Variants in GATC observed in about 807,000 individuals in gnomAD.
GATC encodes glutamyl-tRNA amidotransferase subunit C, also known as glutamyl-tRNA(Gln) amidotransferase subunit C, mitochondrial.
In GATC, 11 loss-of-function variants were observed where a neutral mutation model predicts 14.4. That is an observed-to-expected ratio of 0.77 (90% CI 0.48 to 1.27). The LOEUF is 1.27. Among genes scored for constraint, GATC ranks in the 50% most tolerant of loss-of-function variants. The pLI is 0.00. For missense variants in GATC, 204 were observed against 183.0 expected (o/e 1.11, Z -0.66); for synonymous variants, 76 against 79.3 (o/e 0.96, Z 0.22).
rs1730113054 is a variant in GATC, at chr12:120,462,253, T to G, written c.*2294T>G. On this transcript the variant is annotated 3_prime_UTR_variant, in exon 4 of 4. Coordinates refer to ENST00000551765, the MANE Select transcript of GATC (RefSeq NM_176818.3). ...CCAACATCTAACAATAATAGTTAAGTATTGAGCACTTACTGTGTACTCTGT... is the reference window on the plus strand; with the variant it reads ...CCAACATCTAACAATAATAGTTAAGGATTGAGCACTTACTGTGTACTCTGT... The G allele has an allele frequency of 7.2e-7, 1 of 1,383,548 alleles. No homozygotes were observed. The highest frequency in any genetic ancestry group is 1.4e-5 in the South Asian group (1 of 73,060). The allele number at this position is 1,383,548 out of a possible 1,614,324, so 85.7% of individuals were successfully genotyped here.
chr12:120,453,704 A>G (rs1565913717), intron 2 of GATC, among the ~76,000 whole-genome samples: 1 of 151,994 alleles, frequency 6.6e-6, no homozygotes, highest in Non-Finnish European at 1.5e-5. Flanking sequence ...TAATAAAGCT[A>G]GGTATGGTGG....
chr12:120,455,038 C>T (rs902367323), intron 2 of GATC: 5 of 437,088 alleles, frequency 1.1e-5, no homozygotes, highest in Non-Finnish European at 2.3e-5. Flanking sequence ...CAGGTATGTA[C>T]CACCATGCCC....
intron 2 of GATC, among the ~76,000 whole-genome samples, chr12:120,450,954 C>T (rs912903715): frequency 6.6e-6 from 1 of 151,946 alleles, no homozygotes; most frequent in African/African-American, 2.4e-5. Flanking sequence ...CCAGCCTGGC[C>T]AACATGGCGA....
rs901616962 is a variant in GATC at position 120,462,385 on chromosome 12, G to A, written c.*2426G>A. On this transcript the variant is annotated 3_prime_UTR_variant, in exon 4 of 4. Transcript: ENST00000551765. ...AATTAAGACTTAAGTTATATCATTTGCCCAAGGTAACACAATAAATGCCAA... is the reference window on the plus strand; with the variant it reads ...AATTAAGACTTAAGTTATATCATTTACCCAAGGTAACACAATAAATGCCAA... 1 of 433,062 alleles carries A rather than the reference G, an allele frequency of 2.3e-6. No homozygotes were observed. Among genetic ancestry groups the A allele is most frequent in the African/African-American group, 2.0e-5 (1 of 49,130 alleles). 26.8% of individuals were successfully genotyped at this position (433,062 alleles called of 1,614,324 possible).
intron 3 of GATC, among the ~76,000 whole-genome samples, chr12:120,457,908 C>T (rs890509784): frequency 6.8e-6 from 1 of 146,378 alleles, no homozygotes; most frequent in Admixed American, 6.9e-5. Flanking sequence ...CATGTGTGGC[C>T]TTAGCCCAGA....
chr12:120,459,520 G>C (rs1878270535), intron 3 of GATC, among the ~76,000 whole-genome samples: 1 of 152,186 alleles, frequency 6.6e-6, no homozygotes, highest in Admixed American at 6.5e-5. Flanking sequence ...GTAGTGATCA[G>C]TTAGCTCAGT....
At chr12:120,453,411 GTA>G (rs772905597) in intron 2 of GATC, among the ~76,000 whole-genome samples, 1 of 152,172 alleles carries the variant, frequency 6.6e-6, no homozygotes, top group Non-Finnish European at 1.5e-5. Flanking sequence ...CCCAAGGACA[GTA>G]TATGACAAAT....
At chr12:120,452,564 CTTTGTTACTTTTTT>C (rs1207656873) in intron 2 of GATC, among the ~76,000 whole-genome samples, 1 of 151,998 alleles carries the variant, frequency 6.6e-6, no homozygotes, top group South Asian at 2.1e-4. Context: ...TAATTTTTTT[CTTTGTTACTTTTTT>C]TTTGGTGGAG....
At chr12:120,454,765 T>C (rs1878135619) in intron 2 of GATC, among the ~76,000 whole-genome samples, 1 of 151,522 alleles carries the variant, frequency 6.6e-6, no homozygotes, top group Admixed American at 6.6e-5. Flanking sequence ...CTCCAGAAAG[T>C]CCAAGGGTTA....
At position 120,462,085 on chromosome 12, in the gene GATC, C is replaced by T. The variant is rs920881426; in HGVS notation, c.*2126C>T. The T allele has an allele frequency of 3.1e-6, 5 of 1,612,136 alleles. No homozygotes were observed. In the Admixed American group the frequency reaches 8.3e-5, roughly 27 times the overall value. On this transcript the variant is annotated 3_prime_UTR_variant, in exon 4 of 4. Transcript: ENST00000551765. ...TGCTTTGGTATGGAGAGTCACGGCC[C>T]CTTGACCCAGACCGAGACCGTGAGT... is the stretch of plus-strand genomic sequence containing the variant.
At chr12:120,448,993 C>T (rs1459507588) in intron 2 of GATC, among the ~76,000 whole-genome samples, 3 of 147,134 alleles carry the variant, frequency 2.0e-5, no homozygotes, top group East Asian at 2.0e-4. Context: ...ACAAGAGTCT[C>T]GCTCTGTCGC....
At chr12:120,458,328 G>GC (rs993103625) in intron 3 of GATC, among the ~76,000 whole-genome samples, 5 of 151,810 alleles carry the variant, frequency 3.3e-5, no homozygotes, top group African/African-American at 1.2e-4. Flanking sequence ...TGATCTACCC[G>GC]CCTCAGCCTC....
intron 3 of GATC, among the ~76,000 whole-genome samples, chr12:120,458,071 C>G (rs1878234167): frequency 6.6e-6 from 1 of 151,666 alleles, no homozygotes; most frequent in African/African-American, 2.4e-5. Flanking sequence ...AACCTGGATA[C>G]CTGACATTTT....
In GATC at chr12:120,461,940, C is replaced by T. The variant is rs1592989689; in HGVS notation, c.*1981C>T. 2 of 1,349,526 alleles carry T rather than the reference C, an allele frequency of 1.5e-6. No individual in the cohort carries two copies. The highest frequency in any genetic ancestry group is 1.9e-6 in the Non-Finnish European group (2 of 1,032,772). 83.6% of individuals were successfully genotyped at this position (1,349,526 alleles called of 1,614,324 possible). ...AAAAAATTTCCTAAGACACTAAATC[C>T]TCAATCTGGAATGTAGATTCTGAGC... On this transcript the variant is annotated 3_prime_UTR_variant, in exon 4 of 4. Transcript: ENST00000551765.
At chr12:120,457,316 G>A (rs1878212765) in intron 3 of GATC, 137 bp downstream of exon 3, 1 of 696,248 alleles carries the variant, frequency 1.4e-6, no homozygotes, top group Non-Finnish European at 2.6e-6. Context: ...GCATTAAGGT[G>A]GCAGTAGGGT....
intron 2 of GATC, chr12:120,450,541 G>T: frequency 6.5e-6 from 1 of 153,956 alleles, no homozygotes; most frequent in South Asian, 2.0e-4. Flanking sequence ...ATGTTTTCTG[G>T]ACCATCCACT....
rs1184968995 is a variant in GATC at position 120,457,175 on chromosome 12, C to T, written c.354C>T (p.Pro118=). 1.2e-6 allele frequency: 2 copies of T among 1,609,266 alleles called. No homozygotes were observed. Among genetic ancestry groups the T allele is most frequent in the Admixed American group, 1.7e-5 (1 of 59,894 alleles). The change falls in exon 3 of 4, where the codon CCC becomes CCT. Residue 118 remains proline (P), a synonymous_variant. Transcript: ENST00000551765. ...TCGTGGAGGAGTACTTTGTGGCCCC[C>T]CCAGGTACGTGCTGCCCAGAATGGT... ...HRVVEEYFVA[P]PGNISLPKLD...
In GATC at chr12:120,463,298, T is replaced by C. The variant is rs1037904535; in HGVS notation, c.*3339T>C. 3.3e-5 allele frequency: 5 copies of C among 152,160 alleles called. No individual in the cohort carries two copies. Among genetic ancestry groups the C allele is most frequent in the African/African-American group, 9.7e-5 (4 of 41,432 alleles). The allele number at this position is 152,160 out of a possible 1,614,324, so 9.4% of individuals were successfully genotyped here. On this transcript the variant is annotated 3_prime_UTR_variant, in exon 4 of 4. Coordinates refer to ENST00000551765, the MANE Select transcript of GATC (RefSeq NM_176818.3). Reference sequence around the variant, plus strand: ...AATGTTACGGTTTAGCCTGGCACAGTGGTGCATGCCTGCAGTCCCAACTAC... The same window carrying C: ...AATGTTACGGTTTAGCCTGGCACAGCGGTGCATGCCTGCAGTCCCAACTAC...
chr12:120,454,948 T>TA (rs1257808554), intron 2 of GATC: 1 of 444,102 alleles, frequency 2.3e-6, no homozygotes, highest in Non-Finnish European at 4.5e-6. Flanking sequence ...AGTGCAGTGG[T>TA]GTGATCTCCG....
Sources: gnomAD v4.1 joint callset for allele counts (sites outside exome capture counted in the v4.1 genomes callset) on GRCh38, gnomAD v4.1.1 for gene constraint, MANE v1.5 for transcripts, NCBI Gene and HGNC (gene_info 2026-07-23, HGNC 2026-07-21) for gene names.